The following UNC5D variants were observed in gnomAD, a reference collection of about 807,000 sequenced individuals.
UNC5D encodes unc-5 netrin receptor D.
In UNC5D, 39 loss-of-function variants were observed where a neutral mutation model predicts 105.4. That is an observed-to-expected ratio of 0.37 (90% CI 0.29 to 0.48). The LOEUF is 0.48. UNC5D is among the 20% of genes least tolerant of loss of function. UNC5D has a pLI of 0.98. For synonymous variants in UNC5D, 452 were observed against 450.4 expected (o/e 1.00, Z -0.04); for missense variants, 991 against 1,202.4 (o/e 0.82, Z 2.60).
In UNC5D at chr8:35,525,709, T is replaced by TCCGGCACGA. The variant is rs1337345130; in HGVS notation, c.104-23581_104-23573dup. 4 of 1,596,038 alleles carry TCCGGCACGA rather than the reference T, an allele frequency of 2.5e-6. No individual in the cohort carries two copies. The African/African-American group carries it at 5.4e-5, about 22-fold the overall frequency. On this transcript the variant is annotated intron_variant, in intron 1 of 16. Coordinates refer to ENST00000404895, the MANE Select transcript of UNC5D (RefSeq NM_080872.4). ...CCCTGCAGCCGCTGCTCCTGGCACG[T>TCCGGCACGA]CCGGCACGACACCTGGCTCCCAACG...
intron 1 of UNC5D, among the ~76,000 whole-genome samples, chr8:35,403,990 G>A (rs1275023851): frequency 6.6e-6 from 1 of 152,156 alleles, no homozygotes; most frequent in Non-Finnish European, 1.5e-5. Flanking sequence ...AGATGACAGT[G>A]TGGGTGTTGA....
intron 1 of UNC5D, among the ~76,000 whole-genome samples, chr8:35,382,628 A>G (rs1047639890): frequency 2.0e-5 from 3 of 152,190 alleles, no homozygotes; most frequent in Non-Finnish European, 4.4e-5. Flanking sequence ...TTCATTGGTA[A>G]TAAATTCCAA....
intron 1 of UNC5D, among the ~76,000 whole-genome samples, chr8:35,236,639 T>C (rs1337753133): frequency 6.6e-6 from 1 of 152,106 alleles, no homozygotes. Context: ...TAGACCCCAT[T>C]TTCTTGGATC....
At chr8:35,635,046 A>C (rs1481570760) in intron 4 of UNC5D, among the ~76,000 whole-genome samples, 1 of 152,156 alleles carries the variant, frequency 6.6e-6, no homozygotes, top group Admixed American at 6.5e-5. Flanking sequence ...GATTACAAGC[A>C]TGAGCCACTG....
chr8:35,279,409 G>T (rs1805993633), intron 1 of UNC5D, among the ~76,000 whole-genome samples: 3 of 152,234 alleles, frequency 2.0e-5, no homozygotes, highest in African/African-American at 4.8e-5. Context: ...ATACAGTGAT[G>T]AACTTTTACA....
chr8:35,790,549 C>T lies in UNC5D; in HGVS notation c.2848C>T (p.Gln950Ter), dbSNP rs767391530. The part of the protein sequence containing the change: ...LDEADFNYSR[Q>*]NGL ...TGAAGCCGACTTCAACTACAGCAGG[C>T]AAAATGGACTCTAGTCCACTTCCTC... is the stretch of plus-strand genomic sequence containing the variant. The change falls in exon 17 of 17, where the codon CAA becomes TAA. Residue 950 changes from glutamine to a stop codon, truncating the protein, a stop_gained. Coordinates refer to ENST00000404895, the MANE Select transcript of UNC5D (RefSeq NM_080872.4). LOFTEE classifies it high-confidence loss of function. The T allele has an allele frequency of 2.5e-6, 4 of 1,613,562 alleles. No homozygotes were observed. The highest frequency in any genetic ancestry group is 2.7e-5 in the African/African-American group (2 of 74,892).
At chr8:35,370,394 A>G (rs2128924494) in intron 1 of UNC5D, among the ~76,000 whole-genome samples, 1 of 152,334 alleles carries the variant, frequency 6.6e-6, no homozygotes. Context: ...TCTTTAATAT[A>G]ACATTTAACT....
intron 1 of UNC5D, among the ~76,000 whole-genome samples, chr8:35,399,985 C>CT (rs1804351537): frequency 6.6e-6 from 1 of 152,124 alleles, no homozygotes; most frequent in African/African-American, 2.4e-5. Context: ...TGAGGAGAAA[C>CT]TACCACTTCT....
intron 1 of UNC5D, among the ~76,000 whole-genome samples, chr8:35,291,751 C>A (rs1191008945): frequency 2.0e-5 from 3 of 152,146 alleles, no homozygotes; most frequent in South Asian, 4.1e-4. Context: ...TCATTTCTCT[C>A]TTTTGTAGTT....
At chr8:35,631,431 C>A (rs1378018361) in intron 4 of UNC5D, among the ~76,000 whole-genome samples, 1 of 152,194 alleles carries the variant, frequency 6.6e-6, no homozygotes, top group African/African-American at 2.4e-5. Context: ...TCTTCAGACT[C>A]CTGGTCAAAT....
chr8:35,469,633 G>T (rs1047621897), intron 1 of UNC5D, among the ~76,000 whole-genome samples: 4 of 152,112 alleles, frequency 2.6e-5, no homozygotes, highest in Non-Finnish European at 5.9e-5. Flanking sequence ...CAATTACTTT[G>T]CAGAGAAGTA....
At chr8:35,466,291 A>G (rs943067056) in intron 1 of UNC5D, among the ~76,000 whole-genome samples, 1 of 152,232 alleles carries the variant, frequency 6.6e-6, no homozygotes, top group African/African-American at 2.4e-5. Flanking sequence ...TCTTACAGTC[A>G]GAATTCATCT....
At chr8:35,568,366 T>C in intron 3 of UNC5D, 125 bp downstream of exon 3, 3 of 1,303,442 alleles carry the variant, frequency 2.3e-6, no homozygotes, top group Non-Finnish European at 2.1e-6. Flanking sequence ...AAATTTACTC[T>C]TCTAAAATGT....
intron 3 of UNC5D, among the ~76,000 whole-genome samples, chr8:35,583,427 C>T (rs1439154): frequency 1 from 152,242 of 152,246 alleles, 76,119 homozygotes; most frequent in Middle Eastern, 1. Context: ...CATAGTCTTT[C>T]CATATCCTGC....
At position 35,793,707 on chromosome 8, in the gene UNC5D, G is replaced by A. The variant is rs1803144756; in HGVS notation, c.*3144G>A. On this transcript the variant is annotated 3_prime_UTR_variant, in exon 17 of 17. Transcript: ENST00000404895. ...ACTGGTTTACATTAAAATCCTTTAA[G>A]CCAAAAGGAAGCTTGCTCTATGGAT... The A allele has an allele frequency of 6.6e-6, 1 of 152,532 alleles. No individual in the cohort carries two copies. The highest frequency in any genetic ancestry group is 6.6e-5 in the Admixed American group (1 of 15,258). 9.4% of individuals were successfully genotyped at this position (152,532 alleles called of 1,614,324 possible). A position where few individuals can be genotyped will look rare whatever the true frequency, so the allele number is the denominator to read the frequency against.
intron 1 of UNC5D, among the ~76,000 whole-genome samples, chr8:35,265,413 A>G (rs1433503157): frequency 1.3e-5 from 2 of 152,148 alleles, no homozygotes; most frequent in African/African-American, 4.8e-5. Flanking sequence ...CAGCATGTCA[A>G]TTCTGCTGGG....
At chr8:35,410,364 G>A (rs1805087744) in intron 1 of UNC5D, among the ~76,000 whole-genome samples, 1 of 151,992 alleles carries the variant, frequency 6.6e-6, no homozygotes, top group Non-Finnish European at 1.5e-5. Flanking sequence ...ACTGAGTTCA[G>A]TTGTCAAAAT....
chr8:35,642,313 A>G (rs1822795401), intron 4 of UNC5D, among the ~76,000 whole-genome samples: 1 of 152,152 alleles, frequency 6.6e-6, no homozygotes, highest in Admixed American at 6.6e-5. Context: ...CCTTGGGATC[A>G]AGAGCTTTTT....
chr8:35,560,003 C>T (rs549938285), intron 2 of UNC5D, among the ~76,000 whole-genome samples: 2 of 152,336 alleles, frequency 1.3e-5, no homozygotes, highest in African/African-American at 2.4e-5. Flanking sequence ...CTGCTGCCAA[C>T]GTTAGTCTAT....
Sources: gnomAD v4.1 joint callset for allele counts (sites outside exome capture counted in the v4.1 genomes callset) on GRCh38, gnomAD v4.1.1 for gene constraint, MANE v1.5 for transcripts, NCBI Gene and HGNC (gene_info 2026-07-23, HGNC 2026-07-21) for gene names.